NXPH3: variants seen among roughly 807,000 people sequenced by gnomAD.
The protein encoded by NXPH3 is neurexophilin 3.
In NXPH3, 7 loss-of-function variants were observed where a neutral mutation model predicts 18.8. That is an observed-to-expected ratio of 0.37 (90% CI 0.21 to 0.70). The LOEUF (loss-of-function observed/expected upper bound fraction) is 0.70. NXPH3 is among the 30% of genes least tolerant of loss of function. NXPH3 has a pLI of 0.53. For missense variants in NXPH3, 282 were observed against 338.1 expected, an observed-to-expected ratio of 0.83 and a Z score of 1.30; for synonymous variants, 101 against 137.3, an observed-to-expected ratio of 0.74 and a Z score of 1.85.
At position 49,578,892 on chromosome 17, in the gene NXPH3, C is replaced by A; in HGVS notation, c.351C>A (p.Leu117=). ...SNIKTVALNL[L]VTGKIVDHGN... ...TCAAGACGGTGGCCCTGAACCTGCT[C>A]GTCACAGGGAAGATTGTGGACCATG... Residue 117 remains leucine, a synonymous_variant, in exon 2 of 2, where the codon CTC becomes CTA. Transcript: ENST00000328741. The surrounding 1 kb of genome is among the most constrained non-coding windows in gnomAD (Gnocchi z 4.5). 6.2e-7 allele frequency: 1 copy of A among 1,614,140 alleles called. No homozygotes were observed. The highest frequency in any genetic ancestry group is 1.1e-5 in the South Asian group (1 of 91,078).
rs1386014387 is a variant in NXPH3, at chr17:49,578,452, C to T, written c.55-144C>T. On this transcript the variant is annotated intron_variant, in intron 1 of 1. Coordinates refer to ENST00000328741, the MANE Select transcript of NXPH3 (RefSeq NM_007225.4). This position sits in a 1 kb window ranked among gnomAD's most constrained non-coding sequence, Gnocchi z 4.5. The stretch of plus-strand genomic sequence containing the variant: ...AGATGTACACAAGCTAGAGTGTACA[C>T]TTGCCCCCCAGCTTCAGTGGGCAAG... The T allele has an allele frequency of 1.5e-6, 1 of 669,230 alleles. No individual in the cohort carries two copies. The highest frequency in any genetic ancestry group is 1.8e-5 in the African/African-American group (1 of 55,692). The allele number at this position is 669,230 out of a possible 1,614,324, so 41.5% of individuals were successfully genotyped here.
chr17:49,578,803 C>G lies in NXPH3; in HGVS notation c.262C>G (p.His88Asp). 1 of 1,613,950 alleles carries G rather than the reference C, an allele frequency of 6.2e-7. No homozygotes were observed. Among genetic ancestry groups the G allele is most frequent in the Non-Finnish European group, 8.5e-7 (1 of 1,179,954 alleles). ...ILGQPPNRPN[H>D]SPPPSAKVKK... ...TGGGCAGCCCCCCAACCGCCCGAAC[C>G]ACAGCCCCCCACCCTCAGCCAAGGT... Residue 88 changes from histidine (H) to aspartate (D), a missense_variant, in exon 2 of 2, where the codon CAC (histidine) becomes GAC (aspartate). Transcript: ENST00000328741. The surrounding 1 kb of genome is among the most constrained non-coding windows in gnomAD (Gnocchi z 4.5).
At position 49,576,104 on chromosome 17, in the gene NXPH3, C is replaced by T; in HGVS notation, c.-116C>T. On this transcript the variant is annotated 5_prime_UTR_variant, in exon 1 of 2. Transcript: ENST00000328741. ...GGGCGACCCGCTGAGGGGAGGGCCG[C>T]GGGCCGCCGGGGACTGGAGCATGGG... The T allele has an allele frequency of 7.5e-7, 1 of 1,334,510 alleles. No homozygotes were observed. The highest frequency in any genetic ancestry group is 1.0e-6 in the Non-Finnish European group (1 of 960,730). 82.7% of individuals were successfully genotyped at this position (1,334,510 alleles called of 1,614,324 possible).
In NXPH3 at chr17:49,580,192, C is replaced by A. The variant is rs927302200; in HGVS notation, c.*892C>A. 2 of 129,692 alleles carry A rather than the reference C, an allele frequency of 1.5e-5. No homozygotes were observed. The highest frequency in any genetic ancestry group is 3.2e-5 in the Non-Finnish European group (2 of 62,842). The allele number at this position is 129,692 out of a possible 1,614,324, so 8.0% of individuals were successfully genotyped here. A position where few individuals can be genotyped will look rare whatever the true frequency, so the allele number is the denominator to read the frequency against. Reference sequence around the variant, plus strand: ...CTGGATGGCGCCGCCCTCTCAGCAGCGGGCACGGGTGGGGCGGGGCCGGGC... The same window carrying A: ...CTGGATGGCGCCGCCCTCTCAGCAGAGGGCACGGGTGGGGCGGGGCCGGGC... On this transcript the variant is annotated 3_prime_UTR_variant, in exon 2 of 2. Coordinates refer to ENST00000328741, the MANE Select transcript of NXPH3 (RefSeq NM_007225.4).
In NXPH3 at chr17:49,581,360, G is replaced by C. The variant is rs2071599237; in HGVS notation, c.*2060G>C. 1 of 564,668 alleles carries C rather than the reference G, an allele frequency of 1.8e-6. No homozygotes were observed. Among genetic ancestry groups the C allele is most frequent in the African/African-American group, 1.9e-5 (1 of 53,110 alleles). The allele number at this position is 564,668 out of a possible 1,614,324, so 35.0% of individuals were successfully genotyped here. ...GGGAGGGCAGCACTCAGGGCCCTTT[G>C]GGCCCTCTTGAGGAGAGGAGAGTCC... On this transcript the variant is annotated 3_prime_UTR_variant, in exon 2 of 2. Transcript: ENST00000328741.
chr17:49,576,454 T>C (rs974222386), intron 1 of NXPH3, among the ~76,000 whole-genome samples, 181 bp downstream of exon 1: 2 of 151,098 alleles, frequency 1.3e-5, no homozygotes, highest in African/African-American at 2.4e-5. Flanking sequence ...ATAGGGTTAA[T>C]AGGGGCGGGG....
In NXPH3 at chr17:49,582,005, TA is replaced by T. The variant is rs922252360; in HGVS notation, c.*2706del. 1 of 593,764 alleles carries T rather than the reference TA, an allele frequency of 1.7e-6. No individual in the cohort carries two copies. The highest frequency in any genetic ancestry group is 1.9e-5 in the African/African-American group (1 of 53,744). 36.8% of individuals were successfully genotyped at this position (593,764 alleles called of 1,614,324 possible). A position where few individuals can be genotyped will look rare whatever the true frequency, so the allele number is the denominator to read the frequency against. ...CAGTAGCCTGGCTGCTCTCCTCAGC[TA>T]GGACTTCGCTAACAGATTTCCTCCC... On this transcript the variant is annotated 3_prime_UTR_variant, in exon 2 of 2. Coordinates refer to ENST00000328741, the MANE Select transcript of NXPH3 (RefSeq NM_007225.4).
chr17:49,581,783 G>A lies in NXPH3; in HGVS notation c.*2483G>A, dbSNP rs1182797647. 1.4e-6 allele frequency: 1 copy of A among 702,070 alleles called. No homozygotes were observed. Among genetic ancestry groups the A allele is most frequent in the East Asian group, 2.7e-5 (1 of 37,274 alleles). 43.5% of individuals were successfully genotyped at this position (702,070 alleles called of 1,614,324 possible). On this transcript the variant is annotated 3_prime_UTR_variant, in exon 2 of 2. Transcript: ENST00000328741. ...GGCGCCCTCCCCACCTCCCCTGGCT[G>A]AACTCTCAGCAGGCACTGGGGGCAC... is the stretch of plus-strand genomic sequence containing the variant.
Position 49,576,201 on chromosome 17 carries a change from A to G in NXPH3, c.-19A>G. The G allele has an allele frequency of 6.4e-7, 1 of 1,561,606 alleles. No homozygotes were observed. Among genetic ancestry groups the G allele is most frequent in the Non-Finnish European group, 8.7e-7 (1 of 1,152,934 alleles). The stretch of plus-strand genomic sequence containing the variant: ...GAAAAGAGAAGGGGAGAGCGAGGGG[A>G]CGAGAGCGGAGGAGGAAGATGCAAC... On this transcript the variant is annotated 5_prime_UTR_variant, in exon 1 of 2. Coordinates refer to ENST00000328741, the MANE Select transcript of NXPH3 (RefSeq NM_007225.4).
At position 49,578,955 on chromosome 17, in the gene NXPH3, C is replaced by T; in HGVS notation, c.414C>T (p.Ala138=). ...TCAGCGTCCACTTCCAACACAATGC[C>T]ACAGGCCAGGGAAACATCTCCATCA... ...GTFSVHFQHN[A]TGQGNISISL... Residue 138 remains alanine, a synonymous_variant, in exon 2 of 2, where the codon GCC becomes GCT. Transcript: ENST00000328741. This position sits in a 1 kb window ranked among gnomAD's most constrained non-coding sequence, Gnocchi z 4.5. 6.2e-7 allele frequency: 1 copy of T among 1,614,186 alleles called. No homozygotes were observed. The highest frequency in any genetic ancestry group is 8.5e-7 in the Non-Finnish European group (1 of 1,180,042).
intron 1 of NXPH3, among the ~76,000 whole-genome samples, chr17:49,576,593 G>A (rs2071572353): frequency 1.3e-5 from 2 of 152,062 alleles, no homozygotes; most frequent in Admixed American, 1.3e-4. Context: ...GACCGCTGAA[G>A]CCGGGGGCGA....
Position 49,581,694 on chromosome 17 carries a change from C to A in NXPH3, c.*2394C>A. On this transcript the variant is annotated 3_prime_UTR_variant, in exon 2 of 2. Coordinates refer to ENST00000328741, the MANE Select transcript of NXPH3 (RefSeq NM_007225.4). ...CAATGGACACCCACCGTGTGCCGTT[C>A]AGCCTCCCACAGTGCTGTGGAGACT... is the stretch of plus-strand genomic sequence containing the variant. The A allele has an allele frequency of 2.8e-6, 2 of 702,598 alleles. No homozygotes were observed. Among genetic ancestry groups the A allele is most frequent in the Non-Finnish European group, 5.2e-6 (2 of 384,994 alleles). 43.5% of individuals were successfully genotyped at this position (702,598 alleles called of 1,614,324 possible). A position where few individuals can be genotyped will look rare whatever the true frequency, so the allele number is the denominator to read the frequency against.
rs998546468 is a variant in NXPH3 at position 49,582,332 on chromosome 17, C to G, written c.*3032C>G. ...CCTACTCACACTCCAACCCGTTGAC[C>G]TTCCCCATCCACTGCCCTTCAAGGC... On this transcript the variant is annotated 3_prime_UTR_variant, in exon 2 of 2. Coordinates refer to ENST00000328741, the MANE Select transcript of NXPH3 (RefSeq NM_007225.4). 6.1e-6 allele frequency: 1 copy of G among 164,968 alleles called. No individual in the cohort carries two copies. Among genetic ancestry groups the G allele is most frequent in the African/African-American group, 2.4e-5 (1 of 41,806 alleles). 10.2% of individuals were successfully genotyped at this position (164,968 alleles called of 1,614,324 possible).
rs1398568616 is a variant in NXPH3 at position 49,577,201 on chromosome 17, GC to G, written c.54+930del. ...CCCAGACCCCGAGCCTCCCGTCCTA[GC>G]CGTCCCTCTACCCCACCTCTGGGGC... On this transcript the variant is annotated intron_variant, in intron 1 of 1. Transcript: ENST00000328741. Among the ~76,000 whole-genome samples the G allele has an allele frequency of 2.6e-5, 4 of 152,212 alleles. No individual in the cohort carries two copies. The East Asian group carries it at 7.8e-4, about 30-fold the overall frequency.
intron 1 of NXPH3, among the ~76,000 whole-genome samples, chr17:49,577,012 G>C (rs1209078546): frequency 6.6e-6 from 1 of 152,088 alleles, no homozygotes; most frequent in Non-Finnish European, 1.5e-5. Context: ...CTGTCGTGAA[G>C]CCTCAGCCCC....
Position 49,578,070 on chromosome 17 carries a change from C to G in NXPH3, c.55-526C>G, listed in dbSNP as rs1328529724. On this transcript the variant is annotated intron_variant, in intron 1 of 1. Coordinates refer to ENST00000328741, the MANE Select transcript of NXPH3 (RefSeq NM_007225.4). The surrounding 1 kb of genome is among the most constrained non-coding windows in gnomAD (Gnocchi z 4.5). ...CTGGCCTCTCCTGTCAAACCAGGGG[C>G]TCTCCCAGGATAAGAATGGTGCTTC... 1.3e-5 allele frequency: 2 copies of G among 153,160 alleles called. No individual in the cohort carries two copies. The highest frequency in any genetic ancestry group is 2.9e-5 in the Non-Finnish European group (2 of 68,764). 9.5% of individuals were successfully genotyped at this position (153,160 alleles called of 1,614,324 possible). A position where few individuals can be genotyped will look rare whatever the true frequency, so the allele number is the denominator to read the frequency against.
At position 49,581,951 on chromosome 17, in the gene NXPH3, G is replaced by A; in HGVS notation, c.*2651G>A. The A allele has an allele frequency of 3.3e-6, 2 of 603,032 alleles. No homozygotes were observed. Among genetic ancestry groups the A allele is most frequent in the Non-Finnish European group, 5.9e-6 (2 of 336,782 alleles). The allele number at this position is 603,032 out of a possible 1,614,324, so 37.4% of individuals were successfully genotyped here. On this transcript the variant is annotated 3_prime_UTR_variant, in exon 2 of 2. Transcript: ENST00000328741. ...ACTTCATTTCACCCTCATGCACACTGCCGCCTCATCCCTCCTTTCCACCTT... is the reference window on the plus strand; with the variant it reads ...ACTTCATTTCACCCTCATGCACACTACCGCCTCATCCCTCCTTTCCACCTT...
rs923215891 is a variant in NXPH3, at chr17:49,579,586, T to C, written c.*286T>C. 8.9e-6 allele frequency: 4 copies of C among 448,090 alleles called. No homozygotes were observed. Among genetic ancestry groups the C allele is most frequent in the Middle Eastern group, 6.0e-4 (1 of 1,678 alleles). 27.8% of individuals were successfully genotyped at this position (448,090 alleles called of 1,614,324 possible). On this transcript the variant is annotated 3_prime_UTR_variant, in exon 2 of 2. Coordinates refer to ENST00000328741, the MANE Select transcript of NXPH3 (RefSeq NM_007225.4). The surrounding 1 kb of genome is among the most constrained non-coding windows in gnomAD (Gnocchi z 6.0). Reference sequence around the variant, plus strand: ...GCTTTGCCACGGAGCCACAGAGAGATGCTGGGTCCCCGAGGCCTGTGGGCA... The same window carrying C: ...GCTTTGCCACGGAGCCACAGAGAGACGCTGGGTCCCCGAGGCCTGTGGGCA...
In NXPH3 at chr17:49,582,135, C is replaced by T. The variant is rs2071603793; in HGVS notation, c.*2835C>T. 2.0e-6 allele frequency: 1 copy of T among 501,922 alleles called. No homozygotes were observed. The allele number at this position is 501,922 out of a possible 1,614,324, so 31.1% of individuals were successfully genotyped here. ...GGGCAAGGGGTCCATCCAACTTCCT[C>T]TGGCTAAGAAGACGTCACCTCTGCC... On this transcript the variant is annotated 3_prime_UTR_variant, in exon 2 of 2. Coordinates refer to ENST00000328741, the MANE Select transcript of NXPH3 (RefSeq NM_007225.4).
Sources: allele counts gnomAD v4.1 joint callset (sites outside exome capture counted in the v4.1 genomes callset), GRCh38; gene constraint gnomAD v4.1.1; non-coding constraint Gnocchi (gnomAD v3.1); transcripts MANE v1.5; gene names NCBI Gene and HGNC (gene_info 2026-07-23, HGNC 2026-07-21).